The following CD82 variants were observed in gnomAD, a reference collection of about 807,000 sequenced individuals.
CD82 encodes CD82 molecule.
CD82 carries 36 observed loss-of-function variants against 37.4 expected under a neutral mutation model. The observed-to-expected ratio is 0.96, with a 90% confidence interval of 0.74 to 1.27. The LOEUF is 1.27. Ranked by LOEUF, CD82 falls within the 50% of genes most tolerant of loss-of-function variation. The probability of loss-of-function intolerance (pLI) is 0.00; values close to 1 mark genes in which losing one functional copy is unlikely to be tolerated. For synonymous variants in CD82, 158 were observed against 137.4 expected (o/e 1.15, Z -1.05); for missense variants, 340 against 347.0 (o/e 0.98, Z 0.16).
intron 1 of CD82, among the ~76,000 whole-genome samples, chr11:44,571,202 C>G (rs1297463004): frequency 6.6e-6 from 1 of 152,196 alleles, no homozygotes; most frequent in African/African-American, 2.4e-5. Flanking sequence ...ACAGCATGAC[C>G]TTGGCCAGAG....
At position 44,605,303 on chromosome 11, in the gene CD82, T is replaced by G. The variant is rs1474094142; in HGVS notation, c.262-52T>G. The stretch of plus-strand genomic sequence containing the variant: ...CATCTCTCGGGGCACGCAGGCTGGG[T>G]GCACCTGGTCGGGGACCCTCAGCTG... On this transcript the variant is annotated intron_variant, in intron 5 of 9. Coordinates refer to ENST00000227155, the MANE Select transcript of CD82 (RefSeq NM_002231.4). 3 of 1,612,288 alleles carry G rather than the reference T, an allele frequency of 1.9e-6. No individual in the cohort carries two copies. The African/African-American group carries it at 4.0e-5, about 21-fold the overall frequency.
intron 2 of CD82, among the ~76,000 whole-genome samples, chr11:44,590,401 G>A (rs1488367732): frequency 2.6e-5 from 4 of 151,524 alleles, no homozygotes; most frequent in Admixed American, 6.6e-5. Flanking sequence ...GAGGTCAGGA[G>A]ATCGAGACCA....
intron 1 of CD82, among the ~76,000 whole-genome samples, chr11:44,581,737 GCAGCCCCT>G (rs1290525527): frequency 6.6e-6 from 1 of 152,218 alleles, no homozygotes; most frequent in Non-Finnish European, 1.5e-5. Flanking sequence ...CCCTGGGAGG[GCAGCCCCT>G]CAGGCCCTCT....
chr11:44,605,121 T>C lies in CD82; in HGVS notation c.200T>C (p.Met67Thr), dbSNP rs1310163793. ...TTCATCGGCGTGGGGGCAGTCACTA[T>C]GCTCATGGGCTTCCTGGGCTGCATC... Reference protein sequence around the residue: ...YVFIGVGAVTMLMGFLGCIGA... With the variant: ...YVFIGVGAVTTLMGFLGCIGA... Residue 67 changes from methionine (M) to threonine (T), a missense_variant, in exon 5 of 10, where the codon ATG (methionine) becomes ACG (threonine). Met to Thr is a moderately conservative substitution (Grantham distance 81, BLOSUM62 -1). Coordinates refer to ENST00000227155, the MANE Select transcript of CD82 (RefSeq NM_002231.4). 3.1e-6 allele frequency: 5 copies of C among 1,614,110 alleles called. No homozygotes were observed. Among genetic ancestry groups the C allele is most frequent in the Non-Finnish European group, 4.2e-6 (5 of 1,180,044 alleles).
In CD82 at chr11:44,605,122, G is replaced by A. The variant is rs1853371135; in HGVS notation, c.201G>A (p.Met67Ile). The A allele has an allele frequency of 6.2e-7, 1 of 1,614,212 alleles. No homozygotes were observed. The highest frequency in any genetic ancestry group is 8.5e-7 in the Non-Finnish European group (1 of 1,180,036). ...YVFIGVGAVT[M>I]LMGFLGCIGA... The stretch of plus-strand genomic sequence containing the variant: ...TCATCGGCGTGGGGGCAGTCACTAT[G>A]CTCATGGGCTTCCTGGGCTGCATCG... Residue 67 changes from methionine to isoleucine, a missense_variant, in exon 5 of 10, where the codon ATG becomes ATA. Transcript: ENST00000227155.
intron 1 of CD82, among the ~76,000 whole-genome samples, chr11:44,573,900 C>T (rs1419666419): frequency 1.3e-5 from 2 of 152,178 alleles, no homozygotes; most frequent in East Asian, 1.9e-4. Context: ...TGAGATAATG[C>T]TGGTAAAATG....
In CD82 at chr11:44,620,126, A is replaced by G. The variant is rs1853643328; in HGVS notation, c.*1000A>G. 1 of 152,280 alleles carries G rather than the reference A, an allele frequency of 6.6e-6. No homozygotes were observed. Among genetic ancestry groups the G allele is most frequent in the African/African-American group, 2.4e-5 (1 of 41,374 alleles). The allele number at this position is 152,280 out of a possible 1,614,324, so 9.4% of individuals were successfully genotyped here. A position where few individuals can be genotyped will look rare whatever the true frequency, so the allele number is the denominator to read the frequency against. ...ACAGGTGAGTCCTTGGGGGCATGGCACAGAGCTGGTCCTGTATTCTCCAGG... is the reference window on the plus strand; with the variant it reads ...ACAGGTGAGTCCTTGGGGGCATGGCGCAGAGCTGGTCCTGTATTCTCCAGG... On this transcript the variant is annotated 3_prime_UTR_variant, in exon 10 of 10. Coordinates refer to ENST00000227155, the MANE Select transcript of CD82 (RefSeq NM_002231.4).
intron 1 of CD82, chr11:44,566,449 G>A (rs78367900): frequency 0.12 from 18,522 of 152,198 alleles, 1,187 homozygotes; most frequent in South Asian, 0.19. Flanking sequence ...GGGCCCCAGG[G>A]GCCCTTGAAG....
intron 4 of CD82, 43 bp downstream of exon 4, chr11:44,600,273 G>A: frequency 6.3e-7 from 1 of 1,583,648 alleles, no homozygotes; most frequent in Non-Finnish European, 8.7e-7. Flanking sequence ...CCACTGAAGA[G>A]GGGAGGGCCA....
rs1030752665 is a variant in CD82 at position 44,619,721 on chromosome 11, G to A, written c.*595G>A. On this transcript the variant is annotated 3_prime_UTR_variant, in exon 10 of 10. Coordinates refer to ENST00000227155, the MANE Select transcript of CD82 (RefSeq NM_002231.4). Reference sequence around the variant, plus strand: ...GGAGGTTGCAGTGAGCTGAGATCGTGCTACTGCACTCCAGCCTGGGGGACA... The same window carrying A: ...GGAGGTTGCAGTGAGCTGAGATCGTACTACTGCACTCCAGCCTGGGGGACA... 7.3e-6 allele frequency: 1 copy of A among 137,722 alleles called. No homozygotes were observed. The highest frequency in any genetic ancestry group is 1.5e-5 in the Non-Finnish European group (1 of 66,308). 8.5% of individuals were successfully genotyped at this position (137,722 alleles called of 1,614,324 possible). A position where few individuals can be genotyped will look rare whatever the true frequency, so the allele number is the denominator to read the frequency against.
At chr11:44,602,186 G>A (rs1046778695) in intron 4 of CD82, among the ~76,000 whole-genome samples, 5 of 152,188 alleles carry the variant, frequency 3.3e-5, no homozygotes, top group Non-Finnish European at 7.3e-5. Context: ...GCAGCCACAT[G>A]CCACTGGTTA....
At chr11:44,618,857 C>A in intron 9 of CD82, 134 bp downstream of exon 9, 2 of 850,502 alleles carry the variant, frequency 2.4e-6, no homozygotes, top group Non-Finnish European at 1.9e-6. Flanking sequence ...CTGGTCTGAG[C>A]ACTGTCTGGC....
upstream of CD82, among the ~76,000 whole-genome samples, chr11:44,565,332 G>A (rs984521668): frequency 6.6e-6 from 1 of 152,210 alleles, no homozygotes; most frequent in Non-Finnish European, 1.5e-5. Flanking sequence ...GGCGGGAGCT[G>A]GGCGGGACCG....
intron 7 of CD82, among the ~76,000 whole-genome samples, chr11:44,617,375 A>T (rs1590353047): frequency 6.6e-6 from 1 of 152,116 alleles, no homozygotes; most frequent in African/African-American, 2.4e-5. Flanking sequence ...CCTGGCCAAC[A>T]TGGTGAAACC....
intron 1 of CD82, among the ~76,000 whole-genome samples, chr11:44,569,335 C>T (rs1852782974): frequency 6.6e-6 from 1 of 152,168 alleles, no homozygotes; most frequent in Admixed American, 6.5e-5. Flanking sequence ...TCCTGACTCA[C>T]CCCCGGGCTT....
intron 7 of CD82, among the ~76,000 whole-genome samples, chr11:44,617,282 G>T (rs1287752903): frequency 1.3e-5 from 2 of 152,190 alleles, no homozygotes; most frequent in Admixed American, 1.3e-4. Context: ...TGACCAGCTA[G>T]CCAAGGTGGC....
At chr11:44,604,435 T>C (rs1853358426) in intron 4 of CD82, 1 of 158,876 alleles carries the variant, frequency 6.3e-6, no homozygotes, top group African/African-American at 2.4e-5. Context: ...GAAATGGCCA[T>C]GCTAGTGCCT....
At chr11:44,617,215 C>T (rs1853576801) in intron 7 of CD82, among the ~76,000 whole-genome samples, 4 of 152,054 alleles carry the variant, frequency 2.6e-5, no homozygotes, top group Non-Finnish European at 5.9e-5. Context: ...ACACAGAGCC[C>T]GGAAAGGCTT....
chr11:44,610,293 T>C (rs1004448120), intron 6 of CD82, among the ~76,000 whole-genome samples: 2 of 152,150 alleles, frequency 1.3e-5, no homozygotes, highest in African/African-American at 2.4e-5. Context: ...CTTGGGTAGC[T>C]GAGAGAGGAG....
Sources: allele counts gnomAD v4.1 joint callset (sites outside exome capture counted in the v4.1 genomes callset), GRCh38; gene constraint gnomAD v4.1.1; transcripts MANE v1.5; gene names NCBI Gene and HGNC (gene_info 2026-07-23, HGNC 2026-07-21).